CIDEC: variants seen among roughly 807,000 people sequenced by gnomAD.
CIDEC encodes the protein cell death inducing DFFA like effector c, also known as lipid transferase CIDEC.
CIDEC carries 11 observed loss-of-function variants against 21.9 expected under a neutral mutation model. The ratio of observed to expected loss-of-function variants is 0.50; its 90% CI spans 0.32 to 0.83. The LOEUF is 0.83. Ranked by LOEUF, CIDEC falls within the 40% of genes least tolerant of loss-of-function variation. The probability of loss-of-function intolerance (pLI) is 0.04; values close to 1 mark genes in which losing one functional copy is unlikely to be tolerated. For missense variants in CIDEC, 302 were observed against 302.3 expected (o/e 1.00, Z 0.01); for synonymous variants, 127 against 124.9 (o/e 1.02, Z -0.11).
At position 9,878,926 on chromosome 3, in the gene CIDEC, G is replaced by C; in HGVS notation, c.-26+16C>G. The C allele has an allele frequency of 1.0e-6, 1 of 998,914 alleles. No individual in the cohort carries two copies. Among genetic ancestry groups the C allele is most frequent in the Non-Finnish European group, 1.5e-6 (1 of 657,434 alleles). The allele number at this position is 998,914 out of a possible 1,614,324, so 61.9% of individuals were successfully genotyped here. ...TGAGTCACACCACCTCACACTTCTG[G>C]GGACCGTTCCCTCACCTCTAGTCCA... On this transcript the variant is annotated intron_variant, in intron 2 of 6. Coordinates refer to ENST00000336832, the MANE Select transcript of CIDEC (RefSeq NM_001321142.2).
In CIDEC at chr3:9,872,913, C is replaced by G. The variant is rs111300082; in HGVS notation, c.208-2591G>C. Among the ~76,000 whole-genome samples the G allele has an allele frequency of 2.3e-3, 347 of 152,174 alleles. 1 individual carries two copies. Among genetic ancestry groups the G allele is most frequent in the African/African-American group, 8.2e-3 (340 of 41,526 alleles). The stretch of plus-strand genomic sequence containing the variant: ...CTGAGGCATGAGAATTGCTTGAGCC[C>G]GCAAGGCAGAGGTTGCAGTGAGCCT... On this transcript the variant is annotated intron_variant, in intron 4 of 6. Transcript: ENST00000336832.
At chr3:9,869,153 G>A (rs563979068) in intron 6 of CIDEC, among the ~76,000 whole-genome samples, 3 of 152,226 alleles carry the variant, frequency 2.0e-5, no homozygotes, top group Non-Finnish European at 2.9e-5. Context: ...TCCTGGACCT[G>A]TATATATGTG....
At chr3:9,873,709 G>A (rs2125047825) in intron 4 of CIDEC, among the ~76,000 whole-genome samples, 1 of 152,306 alleles carries the variant, frequency 6.6e-6, no homozygotes, top group Non-Finnish European at 1.5e-5. Context: ...CTGGAGAATG[G>A]AAATAGTGGT....
intron 4 of CIDEC, among the ~76,000 whole-genome samples, chr3:9,871,058 T>C (rs538785735): frequency 6.6e-6 from 1 of 152,232 alleles, no homozygotes; most frequent in East Asian, 1.9e-4. Flanking sequence ...CTATTATGAA[T>C]AATGCTGCTA....
At chr3:9,876,322 A>G (rs144543986) in intron 4 of CIDEC, among the ~76,000 whole-genome samples, 4,592 of 152,046 alleles carry the variant, frequency 0.03, 220 homozygotes, top group African/African-American at 0.1. Context: ...AAAAATACAA[A>G]AATTAACTGG....
chr3:9,870,461 T>G (rs1352409963), intron 4 of CIDEC, 139 bp from the exon 5 acceptor site: 1 of 1,546,866 alleles, frequency 6.5e-7, no homozygotes, highest in Non-Finnish European at 8.7e-7. Context: ...GCTCCTGGCT[T>G]CAGGGTTCCT....
At chr3:9,868,064 AGG>A (rs2082297468) in intron 6 of CIDEC, among the ~76,000 whole-genome samples, 1 of 152,204 alleles carries the variant, frequency 6.6e-6, no homozygotes. Context: ...AATACCACTG[AGG>A]TGGTAGCACT....
At chr3:9,873,570 C>CAGCTGCTGGGTCACCACAGAGGT (rs2082379574) in intron 4 of CIDEC, among the ~76,000 whole-genome samples, 1 of 152,002 alleles carries the variant, frequency 6.6e-6, no homozygotes, top group Admixed American at 6.6e-5. Context: ...GAGCTGAGAT[C>CAGCTGCTGGGTCACCACAGAGGT]ACGCCACTGC....
intron 3 of CIDEC, chr3:9,877,918 A>C (rs1316003925): frequency 6.0e-6 from 1 of 166,166 alleles, no homozygotes; most frequent in African/African-American, 2.4e-5. Context: ...TCTTGGCCTC[A>C]CTCTCCTCAC....
chr3:9,868,993 G>A (rs538011814), intron 6 of CIDEC, among the ~76,000 whole-genome samples: 25 of 152,014 alleles, frequency 1.6e-4, no homozygotes, highest in African/African-American at 9.6e-5. Context: ...GTGTGTGTGC[G>A]CACACACGGG....
rs565006408 is a variant in CIDEC, at chr3:9,878,667, C to G, written c.-25-156G>C. On this transcript the variant is annotated intron_variant, in intron 2 of 6. Coordinates refer to ENST00000336832, the MANE Select transcript of CIDEC (RefSeq NM_001321142.2). The stretch of plus-strand genomic sequence containing the variant: ...TACCTCCCCCAGCCCTTCTCCTGTC[C>G]GGCCCCATGCATGCCAACCAAGACC... 61 of 1,341,390 alleles carry G rather than the reference C, an allele frequency of 4.5e-5. No homozygotes were observed. The African/African-American group carries it at 7.4e-4, about 16-fold the overall frequency. The allele number at this position is 1,341,390 out of a possible 1,614,324, so 83.1% of individuals were successfully genotyped here. A position where few individuals can be genotyped will look rare whatever the true frequency, so the allele number is the denominator to read the frequency against.
At chr3:9,871,009 A>G (rs2082340755) in intron 4 of CIDEC, among the ~76,000 whole-genome samples, 1 of 151,752 alleles carries the variant, frequency 6.6e-6, no homozygotes, top group Admixed American at 6.6e-5. Flanking sequence ...TTTAAAATCT[A>G]TTTATCAGTG....
intron 4 of CIDEC, among the ~76,000 whole-genome samples, chr3:9,875,881 C>T (rs114461560): frequency 0.013 from 1,958 of 152,228 alleles, 43 homozygotes; most frequent in African/African-American, 0.044. Flanking sequence ...GCAGGGGGTG[C>T]CCAGACCTCA....
intron 4 of CIDEC, among the ~76,000 whole-genome samples, chr3:9,876,301 C>A (rs761006715): frequency 6.6e-5 from 10 of 151,950 alleles, no homozygotes; most frequent in Non-Finnish European, 1.5e-4. Context: ...TGACAAAACC[C>A]CATCTTTACT....
chr3:9,872,507 G>A (rs1437119563), intron 4 of CIDEC, among the ~76,000 whole-genome samples: 3 of 152,048 alleles, frequency 2.0e-5, no homozygotes, highest in Non-Finnish European at 4.4e-5. Flanking sequence ...TGGCCACTGT[G>A]TTATCTTCTT....
rs759368239 is a variant in CIDEC, at chr3:9,867,291, G to C, written c.560C>G (p.Ala187Gly). The change falls in exon 7 of 7, where the codon GCT becomes GGT. Residue 187 changes from alanine to glycine, a missense_variant. By Grantham distance (60) the Ala-to-Gly change is moderately conservative (BLOSUM62 0). Coordinates refer to ENST00000336832, the MANE Select transcript of CIDEC (RefSeq NM_001321142.2). ...CATGCTGAAGAGGGCCCAGCGGAAA[G>C]CTTCCCTGGGTGGAATGAGAGGGCA... ...CCGAKRIMKE[A>G]FRWALFSMQA... The C allele has an allele frequency of 2.5e-6, 4 of 1,614,140 alleles. No individual in the cohort carries two copies. In the South Asian group the frequency reaches 4.4e-5, roughly 18 times the overall value.
chr3:9,874,968 A>G (rs2082400627), intron 4 of CIDEC, among the ~76,000 whole-genome samples: 1 of 152,134 alleles, frequency 6.6e-6, no homozygotes, highest in Non-Finnish European at 1.5e-5. Flanking sequence ...CCTGGGCTCA[A>G]GGACTCCTCC....
intron 1 of CIDEC, among the ~76,000 whole-genome samples, chr3:9,879,841 C>T (rs928767957): frequency 1.3e-5 from 2 of 152,194 alleles, no homozygotes; most frequent in Non-Finnish European, 2.9e-5. Flanking sequence ...TCTGCTGTAG[C>T]CCCTCAGTCC....
chr3:9,878,925 G>A lies in CIDEC; in HGVS notation c.-26+17C>T. On this transcript the variant is annotated intron_variant, in intron 2 of 6. Coordinates refer to ENST00000336832, the MANE Select transcript of CIDEC (RefSeq NM_001321142.2). ...GTGAGTCACACCACCTCACACTTCT[G>A]GGGACCGTTCCCTCACCTCTAGTCC... 1 of 1,006,096 alleles carries A rather than the reference G, an allele frequency of 9.9e-7. No individual in the cohort carries two copies. Among genetic ancestry groups the A allele is most frequent in the Non-Finnish European group, 1.5e-6 (1 of 663,950 alleles). The allele number at this position is 1,006,096 out of a possible 1,614,324, so 62.3% of individuals were successfully genotyped here. A position where few individuals can be genotyped will look rare whatever the true frequency, so the allele number is the denominator to read the frequency against.
Sources: gnomAD v4.1 joint callset for allele counts (sites outside exome capture counted in the v4.1 genomes callset) on GRCh38, gnomAD v4.1.1 for gene constraint, MANE v1.5 for transcripts, NCBI Gene and HGNC (gene_info 2026-07-23, HGNC 2026-07-21) for gene names.